Variants in HRH2 observed in about 807,000 individuals in gnomAD.
HRH2 encodes the protein histamine receptor H2.
HRH2 carries 4 observed loss-of-function variants against 20.1 expected under a neutral mutation model. The ratio of observed to expected loss-of-function variants is 0.20; its 90% CI spans 0.10 to 0.45. The LOEUF is 0.45. Ranked by LOEUF, HRH2 falls within the 20% of genes least tolerant of loss-of-function variation. The probability of loss-of-function intolerance (pLI) is 0.99; values close to 1 mark genes in which losing one functional copy is unlikely to be tolerated. For synonymous variants in HRH2, 197 were observed against 200.7 expected (o/e 0.98, Z 0.16); for missense variants, 250 against 461.6 (o/e 0.54, Z 4.20).
intron 2 of HRH2, among the ~76,000 whole-genome samples, chr5:175,701,251 A>G (rs562809327): frequency 6.6e-5 from 10 of 152,328 alleles, no homozygotes; most frequent in Non-Finnish European, 1.5e-4. Context: ...CGGTCCATGT[A>G]AAAACACGGG....
intron 1 of HRH2, among the ~76,000 whole-genome samples, chr5:175,676,237 G>T (rs1376348452): frequency 1.3e-5 from 2 of 152,222 alleles, no homozygotes; most frequent in African/African-American, 4.8e-5. Context: ...ACATTAACGG[G>T]GTTTTCCAGA....
At chr5:175,697,308 A>C (rs1756626673) in intron 2 of HRH2, among the ~76,000 whole-genome samples, 1 of 151,642 alleles carries the variant, frequency 6.6e-6, no homozygotes, top group African/African-American at 2.4e-5. Context: ...CTAAAAATAC[A>C]AAAAATTAGC....
In HRH2 at chr5:175,683,731, G is replaced by A; in HGVS notation, c.498G>A (p.Lys166=). 6.2e-7 allele frequency: 1 copy of A among 1,614,182 alleles called. No homozygotes were observed. Residue 166 remains lysine, a synonymous_variant, in exon 2 of 3, where the codon AAG becomes AAA. Transcript: ENST00000636584. ...LGWNSRNETS[K]GNHTTSKCKV... ...GGAACAGCAGGAACGAGACCAGCAA[G>A]GGCAATCATACCACCTCTAAGTGCA...
rs950814843 is a variant in HRH2, at chr5:175,688,367, T to A, written c.1076+4058T>A. ...ATTTGGTCCCTGCCCCCTGTCCTGCTGCCTTTCCTGCCACCTCCCCAGGCC... is the reference window on the plus strand; with the variant it reads ...ATTTGGTCCCTGCCCCCTGTCCTGCAGCCTTTCCTGCCACCTCCCCAGGCC... On this transcript the variant is annotated intron_variant, in intron 2 of 2. Coordinates refer to ENST00000636584, the MANE Select transcript of HRH2 (RefSeq NM_001367711.1). Among the ~76,000 whole-genome samples, 5 of 152,212 alleles carry A rather than the reference T, an allele frequency of 3.3e-5. No individual in the cohort carries two copies. In the East Asian group the frequency reaches 9.6e-4, roughly 29 times the overall value.
Position 175,709,363 on chromosome 5 carries a change from T to TGTGGTTTGGTTTGAAATCACTC in HRH2, c.*1392_*1393insGTGGTTTGGTTTGAAATCACTC, listed in dbSNP as rs1261145119. 6.6e-6 allele frequency: 1 copy of TGTGGTTTGGTTTGAAATCACTC among 152,226 alleles called. No individual in the cohort carries two copies. The highest frequency in any genetic ancestry group is 1.5e-5 in the Non-Finnish European group (1 of 68,086). 9.4% of individuals were successfully genotyped at this position (152,226 alleles called of 1,614,324 possible). On this transcript the variant is annotated 3_prime_UTR_variant, in exon 3 of 3. Coordinates refer to ENST00000636584, the MANE Select transcript of HRH2 (RefSeq NM_001367711.1). ...CCTCGTCTGCACCCACAACTCCAGT[T>TGTGGTTTGGTTTGAAATCACTC]ACAAGGCACGAGGTTTGGTTATGAA...
intron 1 of HRH2, among the ~76,000 whole-genome samples, chr5:175,667,786 C>T (rs1275855055): frequency 6.6e-6 from 1 of 152,142 alleles, no homozygotes; most frequent in African/African-American, 2.4e-5. Flanking sequence ...ACATATAGGT[C>T]ATTCCCAATA....
At chr5:175,685,858 A>G (rs967342588) in intron 2 of HRH2, 1 of 223,494 alleles carries the variant, frequency 4.5e-6, no homozygotes, top group African/African-American at 2.3e-5. Context: ...CCCACCAACA[A>G]GGGCTCCAGG....
At chr5:175,707,267 G>T (rs181745922) in intron 2 of HRH2, among the ~76,000 whole-genome samples, 1 of 151,942 alleles carries the variant, frequency 6.6e-6, no homozygotes, top group Non-Finnish European at 1.5e-5. Context: ...TATAAAAAAG[G>T]CAATTTTAAA....
rs901777661 is a variant in HRH2 at position 175,710,172 on chromosome 5, C to G, written c.*2201C>G. 1 of 152,552 alleles carries G rather than the reference C, an allele frequency of 6.6e-6. No individual in the cohort carries two copies. Among genetic ancestry groups the G allele is most frequent in the African/African-American group, 2.4e-5 (1 of 41,476 alleles). 9.4% of individuals were successfully genotyped at this position (152,552 alleles called of 1,614,324 possible). On this transcript the variant is annotated 3_prime_UTR_variant, in exon 3 of 3. Coordinates refer to ENST00000636584, the MANE Select transcript of HRH2 (RefSeq NM_001367711.1). The stretch of plus-strand genomic sequence containing the variant: ...GTGATTCCTTGAACGTTGTCTGTCT[C>G]TCCTCCTCACCAGGCTGTGGGTCCT...
intron 2 of HRH2, among the ~76,000 whole-genome samples, chr5:175,696,679 A>G (rs2113548709): frequency 6.6e-6 from 1 of 152,242 alleles, no homozygotes; most frequent in South Asian, 2.1e-4. Context: ...GCTCCGCAGG[A>G]AGTAGGGCTC....
Position 175,683,282 on chromosome 5 carries a change from T to C in HRH2, c.49T>C (p.Cys17Arg), listed in dbSNP as rs776958421. The part of the protein sequence containing the change: ...ASSFCLDSTA[C>R]KITITVVLAV... ...TTCCTTTTGCCTGGACTCTACCGCA[T>C]GCAAGATCACCATCACCGTGGTCCT... The change falls in exon 2 of 3, where the codon TGC becomes CGC. Residue 17 changes from cysteine (C) to arginine (R), a missense_variant. By Grantham distance (180) the Cys-to-Arg change is radical. Transcript: ENST00000636584. 1 of 1,614,146 alleles carries C rather than the reference T, an allele frequency of 6.2e-7. No individual in the cohort carries two copies. The highest frequency in any genetic ancestry group is 1.1e-5 in the South Asian group (1 of 91,084).
Position 175,683,989 on chromosome 5 carries a change from C to G in HRH2, c.756C>G (p.Thr252=). The part of the protein sequence containing the change: ...AFIICWFPYF[T]AFVYRGLRGD... Reference sequence around the variant, plus strand: ...TCATCTGCTGGTTTCCCTACTTCACCGCGTTTGTGTACCGTGGGCTGAGAG... The same window carrying G: ...TCATCTGCTGGTTTCCCTACTTCACGGCGTTTGTGTACCGTGGGCTGAGAG... The change falls in exon 2 of 3, where the codon ACC becomes ACG. Residue 252 remains threonine (T), a synonymous_variant. Transcript: ENST00000636584. 1 of 1,614,150 alleles carries G rather than the reference C, an allele frequency of 6.2e-7. No homozygotes were observed. The highest frequency in any genetic ancestry group is 8.5e-7 in the Non-Finnish European group (1 of 1,180,032).
chr5:175,678,989 G>A (rs1449050497), intron 1 of HRH2, among the ~76,000 whole-genome samples: 1 of 152,190 alleles, frequency 6.6e-6, no homozygotes, highest in African/African-American at 2.4e-5. Context: ...TTTTCTAACT[G>A]CATGCATACC....
intron 1 of HRH2, among the ~76,000 whole-genome samples, chr5:175,659,085 G>A (rs1762657547): frequency 1.3e-5 from 2 of 152,058 alleles, no homozygotes; most frequent in Admixed American, 1.3e-4. Context: ...AGGGTCAATC[G>A]GTGAAGCTGG....
chr5:175,696,442 T>G (rs750045764), intron 2 of HRH2, among the ~76,000 whole-genome samples: 6 of 152,184 alleles, frequency 3.9e-5, no homozygotes, highest in Non-Finnish European at 7.3e-5. Flanking sequence ...GCTCCACAAC[T>G]CACTGTGAGT....
chr5:175,684,443 C>T (rs1756097221), intron 2 of HRH2, 134 bp downstream of exon 2: 2 of 1,275,216 alleles, frequency 1.6e-6, no homozygotes, highest in African/African-American at 1.5e-5. Context: ...ACTTTGTAAA[C>T]ACCCTCTTGC....
In HRH2 at chr5:175,683,991, C is replaced by T. The variant is rs747648590; in HGVS notation, c.758C>T (p.Ala253Val). 7 of 1,614,142 alleles carry T rather than the reference C, an allele frequency of 4.3e-6. No homozygotes were observed. Among genetic ancestry groups the T allele is most frequent in the East Asian group, 2.2e-5 (1 of 44,876 alleles). Residue 253 changes from alanine (A) to valine (V), a missense_variant, in exon 2 of 3, where the codon GCG (alanine) becomes GTG (valine). Physicochemically the swap from Ala to Val is moderately conservative, Grantham distance 64 (BLOSUM62 0). Coordinates refer to ENST00000636584, the MANE Select transcript of HRH2 (RefSeq NM_001367711.1). ...FIICWFPYFT[A>V]FVYRGLRGDD... ...ATCTGCTGGTTTCCCTACTTCACCG[C>T]GTTTGTGTACCGTGGGCTGAGAGGG...
chr5:175,675,620 C>T (rs1398608306), intron 1 of HRH2, among the ~76,000 whole-genome samples: 1 of 152,140 alleles, frequency 6.6e-6, no homozygotes, highest in East Asian at 1.9e-4. Context: ...TATAAAGGGG[C>T]ATCTGGACTG....
rs1281709277 is a variant in HRH2 at position 175,681,713 on chromosome 5, C to G, written c.-525-996C>G. Among the ~76,000 whole-genome samples the G allele has an allele frequency of 2.0e-5, 3 of 152,160 alleles. No homozygotes were observed. Among genetic ancestry groups the G allele is most frequent in the Non-Finnish European group, 2.9e-5 (2 of 68,020 alleles). On this transcript the variant is annotated intron_variant, in intron 1 of 2. Transcript: ENST00000636584. This position sits in a 1 kb window ranked among gnomAD's most constrained non-coding sequence, Gnocchi z 4.3. ...GAGGAAGGGAGGAAGGAGAAACCACCCTAATGCCCGTGAGAGGGTGATGTG... is the reference window on the plus strand; with the variant it reads ...GAGGAAGGGAGGAAGGAGAAACCACGCTAATGCCCGTGAGAGGGTGATGTG...
Sources: gnomAD v4.1 joint callset for allele counts (sites outside exome capture counted in the v4.1 genomes callset) on GRCh38, gnomAD v4.1.1 for gene constraint, Gnocchi (gnomAD v3.1) non-coding constraint, MANE v1.5 for transcripts, NCBI Gene and HGNC (gene_info 2026-07-23, HGNC 2026-07-21) for gene names.